The following NIBAN1 variants were observed in gnomAD, a reference collection of about 807,000 sequenced individuals.
NIBAN1 encodes protein Niban 1.
Under a neutral mutation model 75.1 loss-of-function variants are expected in NIBAN1, and 81 were observed. That is an observed-to-expected ratio of 1.08 (90% confidence interval 0.90 to 1.30). The LOEUF is 1.30. Ranked by LOEUF, NIBAN1 falls within the 50% of genes most tolerant of loss-of-function variation. The probability of loss-of-function intolerance (pLI) is 0.00; values close to 1 mark genes in which losing one functional copy is unlikely to be tolerated. For synonymous variants in NIBAN1, 436 were observed against 424.8 expected (o/e 1.03, Z -0.32); for missense variants, 1,133 against 1,128.1 (o/e 1.00, Z -0.06).
intron 1 of NIBAN1, among the ~76,000 whole-genome samples, chr1:184,951,851 C>A (rs980919349): frequency 1.3e-5 from 2 of 152,180 alleles, no homozygotes; most frequent in Non-Finnish European, 1.5e-5. Flanking sequence ...ATCCCACCTA[C>A]CTTGCTGCCC....
intron 5 of NIBAN1, among the ~76,000 whole-genome samples, chr1:184,841,403 G>A (rs1655283918): frequency 6.6e-6 from 1 of 152,214 alleles, no homozygotes; most frequent in African/African-American, 2.4e-5. Context: ...AATGGTCACA[G>A]ATGTATTCTG....
intron 5 of NIBAN1, among the ~76,000 whole-genome samples, chr1:184,875,815 C>G (rs1656217524): frequency 6.6e-6 from 1 of 152,136 alleles, no homozygotes; most frequent in South Asian, 2.1e-4. Flanking sequence ...TTTAAAACAT[C>G]AGAAATTAAC....
intron 5 of NIBAN1, 28 bp downstream of exon 5, chr1:184,884,605 C>A (rs771674985): frequency 1.9e-6 from 3 of 1,611,266 alleles, no homozygotes; most frequent in Non-Finnish European, 2.5e-6. Context: ...CTTCCCGCCC[C>A]GGGGATGAGA....
intron 6 of NIBAN1, among the ~76,000 whole-genome samples, chr1:184,827,709 C>A (rs746041257): frequency 2.0e-5 from 3 of 151,956 alleles, no homozygotes; most frequent in Non-Finnish European, 4.4e-5. Flanking sequence ...GGGATCGCCC[C>A]TTGAAGGCCA....
At chr1:184,858,478 G>A (rs1313516543) in intron 5 of NIBAN1, among the ~76,000 whole-genome samples, 1 of 151,896 alleles carries the variant, frequency 6.6e-6, no homozygotes, top group Non-Finnish European at 1.5e-5. Context: ...TCCGGGAAAG[G>A]CCACTCAAAA....
chr1:184,838,923 C>T (rs541361938), intron 5 of NIBAN1, among the ~76,000 whole-genome samples: 1 of 152,302 alleles, frequency 6.6e-6, no homozygotes, highest in Admixed American at 6.5e-5. Context: ...TGCTACGGGG[C>T]TCATCTCACT....
In NIBAN1 at chr1:184,795,438, G is replaced by A. The variant is rs766823696; in HGVS notation, c.2326C>T (p.Pro776Ser). The A allele has an allele frequency of 1.2e-6, 2 of 1,608,360 alleles. No individual in the cohort carries two copies. The highest frequency in any genetic ancestry group is 1.7e-4 in the Middle Eastern group (1 of 6,014). Residue 776 changes from proline to serine, a missense_variant, in exon 14 of 14, where the codon CCC becomes TCC. Coordinates refer to ENST00000367511, the MANE Select transcript of NIBAN1 (RefSeq NM_052966.4). ...SEVSEREAQP[P>S]CPEAHGEELG... ...TCCTCCCCATGGGCCTCGGGACAGGGAGGTTGGGCCTCCCTCTCGCTGACT... is the reference window on the plus strand; with the variant it reads ...TCCTCCCCATGGGCCTCGGGACAGGAAGGTTGGGCCTCCCTCTCGCTGACT...
intron 6 of NIBAN1, among the ~76,000 whole-genome samples, chr1:184,829,285 C>G (rs774443629): frequency 2.0e-5 from 3 of 151,826 alleles, no homozygotes; most frequent in Non-Finnish European, 4.4e-5. Flanking sequence ...ATACATATAC[C>G]CCACACACAT....
chr1:184,897,974 TAC>T (rs1265643493), intron 2 of NIBAN1, among the ~76,000 whole-genome samples: 1 of 152,190 alleles, frequency 6.6e-6, no homozygotes, highest in Non-Finnish European at 1.5e-5. Flanking sequence ...GTCTATTCTT[TAC>T]ACAGAGGCCA....
chr1:184,870,881 T>C (rs1326518464), intron 5 of NIBAN1, among the ~76,000 whole-genome samples: 1 of 152,230 alleles, frequency 6.6e-6, no homozygotes, highest in Non-Finnish European at 1.5e-5. Context: ...AGACCTGTTA[T>C]AGATTGAATT....
Position 184,806,136 on chromosome 1 carries a change from G to T in NIBAN1, c.1336-80C>A. 6 of 1,107,664 alleles carry T rather than the reference G, an allele frequency of 5.4e-6. No homozygotes were observed. The South Asian group carries it at 7.8e-5, about 14-fold the overall frequency. 68.6% of individuals were successfully genotyped at this position (1,107,664 alleles called of 1,614,324 possible). On this transcript the variant is annotated intron_variant, in intron 10 of 13. Coordinates refer to ENST00000367511, the MANE Select transcript of NIBAN1 (RefSeq NM_052966.4). The stretch of plus-strand genomic sequence containing the variant: ...CCCACAGGCCTGGCTAAGTGGGACT[G>T]CAGAGTAGGGGCCATCAGAGATGAG...
At chr1:184,947,502 T>A (rs1426109510) in intron 1 of NIBAN1, among the ~76,000 whole-genome samples, 1 of 152,260 alleles carries the variant, frequency 6.6e-6, no homozygotes, top group African/African-American at 2.4e-5. Context: ...TAGTTAATGC[T>A]GCTGAATTGC....
intron 5 of NIBAN1, among the ~76,000 whole-genome samples, chr1:184,855,553 C>A (rs1655655511): frequency 6.6e-6 from 1 of 152,008 alleles, no homozygotes; most frequent in Non-Finnish European, 1.5e-5. Flanking sequence ...TTCTCTAATA[C>A]AATTTATTTT....
chr1:184,912,352 G>C (rs1280079781), intron 1 of NIBAN1, among the ~76,000 whole-genome samples: 1 of 152,078 alleles, frequency 6.6e-6, no homozygotes, highest in Admixed American at 6.6e-5. Flanking sequence ...ATATATACAA[G>C]TTTCTCTACT....
chr1:184,811,008 C>T (rs1336556645), intron 9 of NIBAN1, among the ~76,000 whole-genome samples: 1 of 152,106 alleles, frequency 6.6e-6, no homozygotes, highest in Non-Finnish European at 1.5e-5. Context: ...GAATTTGAAG[C>T]TCCATAGATT....
rs1653812550 is a variant in NIBAN1, at chr1:184,795,255, C to A, written c.2509G>T (p.Asp837Tyr). The A allele has an allele frequency of 6.2e-7, 1 of 1,613,444 alleles. No homozygotes were observed. Among genetic ancestry groups the A allele is most frequent in the South Asian group, 1.1e-5 (1 of 91,092 alleles). Residue 837 changes from aspartate to tyrosine, a missense_variant, in exon 14 of 14, where the codon GAT becomes TAT. By Grantham distance (160) the Asp-to-Tyr change is radical. Coordinates refer to ENST00000367511, the MANE Select transcript of NIBAN1 (RefSeq NM_052966.4). ...GRGGKCTEEGDASQQEGCTLG... is the reference protein window; with the variant it reads ...GRGGKCTEEGYASQQEGCTLG... ...GTGCAGCCCTCTTGCTGTGAGGCAT[C>A]CCCTTCCTCGGTACACTTGCCCCCT...
chr1:184,887,352 C>T (rs1235907387), intron 4 of NIBAN1, among the ~76,000 whole-genome samples: 1 of 152,134 alleles, frequency 6.6e-6, no homozygotes, highest in Non-Finnish European at 1.5e-5. Flanking sequence ...GTAGTTGTAA[C>T]ACAGTATCTA....
chr1:184,861,673 G>A (rs1005679351), intron 5 of NIBAN1, among the ~76,000 whole-genome samples: 3 of 148,510 alleles, frequency 2.0e-5, no homozygotes, highest in Non-Finnish European at 4.5e-5. Context: ...AGGAGGAAGG[G>A]AGGGAGGGAA....
At chr1:184,967,942 G>T (rs1192441499) in intron 1 of NIBAN1, among the ~76,000 whole-genome samples, 1 of 9,240 alleles carries the variant, frequency 1.1e-4, no homozygotes, top group Non-Finnish European at 4.8e-4. Context: ...GGTGGCTCAC[G>T]CCTGTAATCC....
Sources: allele counts gnomAD v4.1 joint callset (sites outside exome capture counted in the v4.1 genomes callset), GRCh38; gene constraint gnomAD v4.1.1; transcripts MANE v1.5; gene names NCBI Gene and HGNC (gene_info 2026-07-23, HGNC 2026-07-21).